CCDC73: variants seen among roughly 807,000 people sequenced by gnomAD.
CCDC73 encodes coiled-coil domain containing 73.
CCDC73 carries 95 observed loss-of-function variants against 116.5 expected under a neutral mutation model. The ratio of observed to expected loss-of-function variants is 0.82; its 90% CI spans 0.69 to 0.97. The LOEUF (loss-of-function observed/expected upper bound fraction) is 0.97, where lower values mean the gene tolerates loss of function less well. Among genes scored for constraint, CCDC73 ranks in the 50% least tolerant of loss-of-function variants. The pLI, the probability that CCDC73 is intolerant of heterozygous loss-of-function variation, is 0.00. For synonymous variants in CCDC73, 398 were observed against 401.3 expected, an observed-to-expected ratio of 0.99 and a Z score of 0.10; for missense variants, 1,066 against 1,206.8, an observed-to-expected ratio of 0.88 and a Z score of 1.73.
intron 17 of CCDC73, among the ~76,000 whole-genome samples, chr11:32,610,301 G>T (rs559178659): frequency 6.6e-6 from 1 of 152,166 alleles, no homozygotes; most frequent in South Asian, 2.1e-4. Flanking sequence ...TGTGATTTGG[G>T]TGGGGACAAA....
the CCDC73 span, among the ~76,000 whole-genome samples, chr11:32,818,127 C>T: frequency 1.3e-5 from 2 of 152,348 alleles, no homozygotes; most frequent in East Asian, 1.9e-4. Context: ...ATGCTCCCTC[C>T]TCTGTTGCAC....
At chr11:32,825,352 G>A in the CCDC73 span, among the ~76,000 whole-genome samples, 1 of 144,266 alleles carries the variant, frequency 6.9e-6, no homozygotes, top group Non-Finnish European at 1.5e-5. Flanking sequence ...GCCCAGGCTG[G>A]AGTGCAATGG....
At chr11:32,692,350 T>C (rs1856268739) in intron 6 of CCDC73, among the ~76,000 whole-genome samples, 1 of 152,126 alleles carries the variant, frequency 6.6e-6, no homozygotes, top group Non-Finnish European at 1.5e-5. Flanking sequence ...TATCTAAGAA[T>C]TCCTCATGCA....
At chr11:32,623,577 C>T (rs1855542314) in intron 14 of CCDC73, among the ~76,000 whole-genome samples, 1 of 152,152 alleles carries the variant, frequency 6.6e-6, no homozygotes, top group Non-Finnish European at 1.5e-5. Context: ...AGGTCTTGAA[C>T]TCCTGCACTC....
intron 12 of CCDC73, among the ~76,000 whole-genome samples, chr11:32,647,426 C>A (rs1420125222): frequency 6.6e-6 from 1 of 152,192 alleles, no homozygotes; most frequent in African/African-American, 2.4e-5. Flanking sequence ...CAGGTCCCAC[C>A]TCCAACATTG....
In CCDC73 at chr11:32,679,962, CA is replaced by C. The variant is rs1165326833; in HGVS notation, c.429+3573del. ...ATTTAATGAAAATGCAGTTTCATTG[CA>C]TTTGTTTGCATGACATAATTCTGAT... On this transcript the variant is annotated intron_variant, in intron 7 of 17. Coordinates refer to ENST00000335185, the MANE Select transcript of CCDC73 (RefSeq NM_001008391.4). 4 of 152,306 alleles carry C rather than the reference CA, an allele frequency of 2.6e-5. No individual in the cohort carries two copies. The East Asian group carries it at 7.7e-4, about 29-fold the overall frequency. 9.4% of individuals were successfully genotyped at this position (152,306 alleles called of 1,614,324 possible).
At chr11:32,681,746 A>T (rs1856147834) in intron 7 of CCDC73, 1 of 151,996 alleles carries the variant, frequency 6.6e-6, no homozygotes, top group Admixed American at 6.5e-5. Flanking sequence ...TTGGAATAAA[A>T]TAAGATTAAC....
chr11:32,727,228 A>G (rs531906923), intron 2 of CCDC73, among the ~76,000 whole-genome samples: 3 of 152,322 alleles, frequency 2.0e-5, no homozygotes, highest in Admixed American at 2.0e-4. Flanking sequence ...CATGTGAATC[A>G]CTGATACCAA....
chr11:32,760,070 T>C (rs374294625), intron 2 of CCDC73, 39 bp downstream of exon 2: 34 of 1,532,998 alleles, frequency 2.2e-5, no homozygotes, highest in Non-Finnish European at 2.9e-5. Flanking sequence ...CAAAATCAAG[T>C]TTTCTTATTT....
At position 32,654,851 on chromosome 11, in the gene CCDC73, A is replaced by G. The variant is rs1275962049; in HGVS notation, c.767T>C (p.Leu256Pro). The G allele has an allele frequency of 6.6e-7, 1 of 1,512,182 alleles. No homozygotes were observed. The highest frequency in any genetic ancestry group is 9.0e-7 in the Non-Finnish European group (1 of 1,110,386). The allele number at this position is 1,512,182 out of a possible 1,614,324, so 93.7% of individuals were successfully genotyped here. ...ATACATTTAATAAAATACCATGTTG[A>G]GTCTTTCTTGAAGTTCTTGAAATTT... The part of the protein sequence containing the change: ...EQKFQELQER[L>P]NMELELNEKI... The change falls in exon 10 of 18, where the codon CTC (leucine) becomes CCC (proline). Residue 256 changes from leucine to proline, a missense_variant. By Grantham distance (98) the Leu-to-Pro change is moderately conservative (BLOSUM62 -3). Coordinates refer to ENST00000335185, the MANE Select transcript of CCDC73 (RefSeq NM_001008391.4).
intron 2 of CCDC73, among the ~76,000 whole-genome samples, chr11:32,745,775 T>C (rs1316841823): frequency 1.3e-5 from 2 of 150,828 alleles, no homozygotes; most frequent in Admixed American, 6.6e-5. Context: ...TTCCATTTGC[T>C]TGGTATATCC....
the CCDC73 span, among the ~76,000 whole-genome samples, chr11:32,826,146 T>C: frequency 2.6e-5 from 4 of 152,224 alleles, no homozygotes; most frequent in East Asian, 7.7e-4. Context: ...ATAAAATTCT[T>C]AACCCCTTTA....
At chr11:32,784,203 G>A (rs1850607488) in intron 1 of CCDC73, among the ~76,000 whole-genome samples, 1 of 152,046 alleles carries the variant, frequency 6.6e-6, no homozygotes, top group Non-Finnish European at 1.5e-5. Context: ...CGTGGTGCAT[G>A]CCTGTAATCC....
chr11:32,609,820 T>C (rs1158936602), intron 17 of CCDC73, among the ~76,000 whole-genome samples: 1 of 151,960 alleles, frequency 6.6e-6, no homozygotes, highest in Non-Finnish European at 1.5e-5. Context: ...CGCTCTGTCA[T>C]CCAGGCTGGA....
chr11:32,609,402 C>A (rs1028170478), intron 17 of CCDC73, among the ~76,000 whole-genome samples: 2 of 152,170 alleles, frequency 1.3e-5, no homozygotes, highest in African/African-American at 4.8e-5. Flanking sequence ...AACAAGTCAC[C>A]TTTGCTCCAT....
intron 2 of CCDC73, among the ~76,000 whole-genome samples, chr11:32,734,867 A>G (rs894929800): frequency 3.9e-5 from 6 of 152,322 alleles, no homozygotes; most frequent in Admixed American, 3.9e-4. Flanking sequence ...GGTTCAACAT[A>G]TACAAATCAT....
intron 12 of CCDC73, among the ~76,000 whole-genome samples, chr11:32,650,473 AAG>A (rs1319035237): frequency 6.6e-6 from 1 of 152,228 alleles, no homozygotes; most frequent in Non-Finnish European, 1.5e-5. Flanking sequence ...GCTATTCATA[AAG>A]AACCTAGTTA....
At chr11:32,645,580 C>A (rs933520549) in intron 12 of CCDC73, among the ~76,000 whole-genome samples, 2 of 151,870 alleles carry the variant, frequency 1.3e-5, no homozygotes, top group African/African-American at 4.8e-5. Flanking sequence ...TGAGCCACCA[C>A]GCCTGGCCAA....
chr11:32,603,668 T>A (rs1252322908), intron 17 of CCDC73: 4 of 152,236 alleles, frequency 2.6e-5, no homozygotes, highest in African/African-American at 9.6e-5. Flanking sequence ...ATATATCTCC[T>A]ACTACTGAAT....
Sources: allele counts gnomAD v4.1 joint callset (sites outside exome capture counted in the v4.1 genomes callset), GRCh38; gene constraint gnomAD v4.1.1; transcripts MANE v1.5; gene names NCBI Gene and HGNC (gene_info 2026-07-23, HGNC 2026-07-21).